GNB2: variants seen among roughly 807,000 people sequenced by gnomAD.
The protein encoded by GNB2 is G protein subunit beta 2.
GNB2 carries 7 observed loss-of-function variants against 40.7 expected under a neutral mutation model. That is an observed-to-expected ratio of 0.17 (90% CI 0.10 to 0.32). The LOEUF (loss-of-function observed/expected upper bound fraction) is 0.32. Ranked by LOEUF, GNB2 falls within the 10% of genes least tolerant of loss-of-function variation. GNB2 has a pLI of 1.00. For synonymous variants in GNB2, 254 were observed against 191.2 expected, an observed-to-expected ratio of 1.33 and a Z score of -2.71; for missense variants, 286 against 473.0, an observed-to-expected ratio of 0.60 and a Z score of 3.67.
Position 100,676,326 on chromosome 7 carries a change from AGGGCCTGGTGC to A in GNB2, c.57+8_57+18del, listed in dbSNP as rs1804345011. 1 of 1,602,584 alleles carries A rather than the reference AGGGCCTGGTGC, an allele frequency of 6.2e-7. No homozygotes were observed. Among genetic ancestry groups the A allele is most frequent in the African/African-American group, 1.3e-5 (1 of 74,826 alleles). On this transcript the variant is annotated splice_donor_5th_base_variant and intron_variant, in intron 2 of 9. Coordinates refer to ENST00000303210, the MANE Select transcript of GNB2 (RefSeq NM_005273.4). Reference sequence around the variant, plus strand: ...GCAGCTCCGGAACCAGATCCGGGTGAGGGCCTGGTGCGGGGCGGGCGATTCATGTGTACACC... The same window carrying A: ...GCAGCTCCGGAACCAGATCCGGGTGAGGGGCGGGCGATTCATGTGTACACC...
At position 100,677,549 on chromosome 7, in the gene GNB2, C is replaced by A. The variant is rs2131350653; in HGVS notation, c.319C>A (p.Pro107Thr). ...SSWVMTCAYA[P>T]SGNFVACGGL... ...CTGGGTAATGACCTGTGCCTACGCG[C>A]CCTCAGGGAACTTTGTGGCCTGTGG... Residue 107 changes from proline to threonine, a missense_variant, in exon 6 of 10, where the codon CCC becomes ACC. By Grantham distance (38) the Pro-to-Thr change is conservative. Coordinates refer to ENST00000303210, the MANE Select transcript of GNB2 (RefSeq NM_005273.4). 6.2e-7 allele frequency: 1 copy of A among 1,613,514 alleles called. No homozygotes were observed. The highest frequency in any genetic ancestry group is 8.5e-7 in the Non-Finnish European group (1 of 1,179,992).
Position 100,678,908 on chromosome 7 carries a change from G to GGGGAA in GNB2, c.*110_*111insAAGGG. On this transcript the variant is annotated 3_prime_UTR_variant, in exon 10 of 10. Coordinates refer to ENST00000303210, the MANE Select transcript of GNB2 (RefSeq NM_005273.4). ...ATCCCAGCCCCCTTCCCCGGGCCAC[G>GGGGAA]GGGCCTTGGGTCCCTGCCCTCCCAC... 2.3e-6 allele frequency: 2 copies of GGGGAA among 854,170 alleles called. No homozygotes were observed. Among genetic ancestry groups the GGGGAA allele is most frequent in the Non-Finnish European group, 3.7e-6 (2 of 542,956 alleles). 52.9% of individuals were successfully genotyped at this position (854,170 alleles called of 1,614,324 possible). A position where few individuals can be genotyped will look rare whatever the true frequency, so the allele number is the denominator to read the frequency against.
intron 2 of GNB2, 56 bp downstream of exon 2, chr7:100,676,378 C>T: frequency 6.7e-7 from 1 of 1,487,934 alleles, no homozygotes; most frequent in East Asian, 2.3e-5. Flanking sequence ...GTGCCCTGGA[C>T]CGGGTTGGGT....
chr7:100,675,795 C>T (rs1804334428), intron 1 of GNB2: 1 of 160,606 alleles, frequency 6.2e-6, no homozygotes, highest in African/African-American at 2.4e-5. Flanking sequence ...GGCACCGCCC[C>T]TTTTAAAATT....
intron 1 of GNB2, among the ~76,000 whole-genome samples, chr7:100,674,916 C>T (rs1461906008): frequency 6.6e-6 from 1 of 152,184 alleles, no homozygotes; most frequent in Non-Finnish European, 1.5e-5. Flanking sequence ...TGCCCGCACC[C>T]CCCATCCCCC....
In GNB2 at chr7:100,678,194, G is replaced by C. The variant is rs368070921; in HGVS notation, c.594G>C (p.Thr198=). 1.9e-6 allele frequency: 3 copies of C among 1,613,860 alleles called. No homozygotes were observed. The African/African-American group carries it at 4.0e-5, about 22-fold the overall frequency. ...TGTCCCTGGCCCCCGATGGCCGCAC[G>C]TTTGTGTCAGGCGCCTGTGATGCCT... ...MSLSLAPDGR[T]FVSGACDASI... is the part of the protein sequence containing the mutation. The change falls in exon 8 of 10, where the codon ACG becomes ACC. Residue 198 remains threonine (T), a synonymous_variant. Transcript: ENST00000303210.
At chr7:100,677,911 T>C in intron 7 of GNB2, 93 bp downstream of exon 7, 1 of 1,185,284 alleles carries the variant, frequency 8.4e-7, no homozygotes, top group Non-Finnish European at 1.2e-6. Context: ...GCATGCACCG[T>C]AGCCTCCCTC....
chr7:100,676,320 C>T lies in GNB2; in HGVS notation c.55C>T (p.Arg19Trp). 2 of 1,604,398 alleles carry T rather than the reference C, an allele frequency of 1.2e-6. No homozygotes were observed. The highest frequency in any genetic ancestry group is 1.7e-6 in the Non-Finnish European group (2 of 1,175,506). ...QEAEQLRNQIRDARKACGDST... is the reference protein window; with the variant it reads ...QEAEQLRNQIWDARKACGDST... ...GGCCGAGCAGCTCCGGAACCAGATC[C>T]GGGTGAGGGCCTGGTGCGGGGCGGG... is the stretch of plus-strand genomic sequence containing the variant. Residue 19 changes from arginine to tryptophan, a missense_variant and splice_region_variant, in exon 2 of 10, where the codon CGG (arginine) becomes TGG (tryptophan). Transcript: ENST00000303210.
At chr7:100,676,097 T>C in intron 1 of GNB2, 80 bp from the exon 2 acceptor site, 1 of 511,622 alleles carries the variant, frequency 2.0e-6, no homozygotes. Context: ...TGCTTACCCC[T>C]TCCGGGCCGC....
chr7:100,676,899 A>G, intron 4 of GNB2, 100 bp downstream of exon 4: 1 of 686,626 alleles, frequency 1.5e-6, no homozygotes, highest in East Asian at 2.7e-5. Flanking sequence ...CAAAATACCC[A>G]GCGTACGTCT....
rs758224169 is a variant in GNB2, at chr7:100,677,557, G to T, written c.327G>T (p.Gly109=). The change falls in exon 6 of 10, where the codon GGG becomes GGT. Residue 109 remains glycine, a synonymous_variant. Coordinates refer to ENST00000303210, the MANE Select transcript of GNB2 (RefSeq NM_005273.4). Reference sequence around the variant, plus strand: ...TGACCTGTGCCTACGCGCCCTCAGGGAACTTTGTGGCCTGTGGGGGGTTGG... The same window carrying T: ...TGACCTGTGCCTACGCGCCCTCAGGTAACTTTGTGGCCTGTGGGGGGTTGG... ...WVMTCAYAPS[G]NFVACGGLDN... is the part of the protein sequence containing the mutation. The T allele has an allele frequency of 6.2e-7, 1 of 1,613,498 alleles. No individual in the cohort carries two copies.
Position 100,677,418 on chromosome 7 carries a change from A to G in GNB2, c.267+3A>G, listed in dbSNP as rs776854571. On this transcript the variant is annotated splice_donor_region_variant and intron_variant, in intron 5 of 9. Transcript: ENST00000303210. The stretch of plus-strand genomic sequence containing the variant: ...GGGACAGCTACACCACCAACAAGGT[A>G]GGGTGGCGCGGGCTGCGGGGTGGGG... The G allele has an allele frequency of 1.1e-5, 18 of 1,613,390 alleles. No homozygotes were observed. Among genetic ancestry groups the G allele is most frequent in the Non-Finnish European group, 1.5e-5 (18 of 1,179,726 alleles).
chr7:100,676,750 C>T lies in GNB2; in HGVS notation c.154C>T (p.Arg52Cys), dbSNP rs1461664577. The T allele has an allele frequency of 6.2e-7, 1 of 1,606,022 alleles. No homozygotes were observed. Among genetic ancestry groups the T allele is most frequent in the Non-Finnish European group, 8.5e-7 (1 of 1,176,582 alleles). ...CCAGATGAGGACCCGGAGGACCCTC[C>T]GTGGGCACCTGGCAAAGATCTATGC... ...RIQMRTRRTLRGHLAKIYAMH... is the reference protein window; with the variant it reads ...RIQMRTRRTLCGHLAKIYAMH... The change falls in exon 4 of 10, where the codon CGT becomes TGT. Residue 52 changes from arginine to cysteine, a missense_variant. Physicochemically the swap from Arg to Cys is radical, Grantham distance 180 (BLOSUM62 -3). Coordinates refer to ENST00000303210, the MANE Select transcript of GNB2 (RefSeq NM_005273.4).
chr7:100,676,364 C>T, intron 2 of GNB2, 42 bp downstream of exon 2: 1 of 1,539,634 alleles, frequency 6.5e-7, no homozygotes, highest in Non-Finnish European at 8.9e-7. Flanking sequence ...GTGTACACCG[C>T]CCGGTGCCCT....
Position 100,678,685 on chromosome 7 carries a change from T to G in GNB2, c.917-10T>G, listed in dbSNP as rs752220878. 9 of 1,610,080 alleles carry G rather than the reference T, an allele frequency of 5.6e-6. No homozygotes were observed. The Admixed American group carries it at 1.5e-4, about 27-fold the overall frequency. Reference sequence around the variant, plus strand: ...GGCCCAATGGGTTCTGACTTCTCTCTTCTTCACAGGAGTCCTCGCTGGCCA... The same window carrying G: ...GGCCCAATGGGTTCTGACTTCTCTCGTCTTCACAGGAGTCCTCGCTGGCCA... On this transcript the variant is annotated splice_polypyrimidine_tract_variant and intron_variant, in intron 9 of 9. Coordinates refer to ENST00000303210, the MANE Select transcript of GNB2 (RefSeq NM_005273.4).
chr7:100,678,677 C>T lies in GNB2; in HGVS notation c.917-18C>T, dbSNP rs560841334. On this transcript the variant is annotated intron_variant, in intron 9 of 9. Transcript: ENST00000303210. The stretch of plus-strand genomic sequence containing the variant: ...GGAGCCCAGGCCCAATGGGTTCTGA[C>T]TTCTCTCTTCTTCACAGGAGTCCTC... 11 of 1,611,670 alleles carry T rather than the reference C, an allele frequency of 6.8e-6. No individual in the cohort carries two copies. Among genetic ancestry groups the T allele is most frequent in the East Asian group, 2.2e-5 (1 of 44,868 alleles).
chr7:100,675,465 C>T (rs1349820668), intron 1 of GNB2: 1 of 151,912 alleles, frequency 6.6e-6, no homozygotes, highest in African/African-American at 2.4e-5. Flanking sequence ...AACCTATTAG[C>T]GCCCAATCGG....
intron 7 of GNB2, 124 bp downstream of exon 7, chr7:100,677,942 G>C (rs980630794): frequency 2.2e-5 from 22 of 1,021,774 alleles, no homozygotes; most frequent in Non-Finnish European, 3.1e-5. Flanking sequence ...CGCTAAGGGG[G>C]TCAGGGAGGG....
Position 100,677,359 on chromosome 7 carries a change from G to A in GNB2, c.211G>A (p.Val71Ile). 6.2e-7 allele frequency: 1 copy of A among 1,613,704 alleles called. No individual in the cohort carries two copies. ...TACACCGTTCCCCACCAGGCTGCTG[G>A]TCAGCGCCTCCCAGGATGGGAAGCT... ...MHWGTDSRLL[V>I]SASQDGKLII... The change falls in exon 5 of 10, where the codon GTC (valine) becomes ATC (isoleucine). Residue 71 changes from valine (V) to isoleucine (I), a missense_variant. Transcript: ENST00000303210.
Sources: gnomAD v4.1 joint callset for allele counts (sites outside exome capture counted in the v4.1 genomes callset) on GRCh38, gnomAD v4.1.1 for gene constraint, MANE v1.5 for transcripts, NCBI Gene and HGNC (gene_info 2026-07-23, HGNC 2026-07-21) for gene names.